Variants in RNF24 observed in about 807,000 individuals in gnomAD.
The protein encoded by RNF24 is ring finger protein 24.
Under a neutral mutation model 20.0 loss-of-function variants are expected in RNF24, and 14 were observed. That is an observed-to-expected ratio of 0.70 (90% CI 0.46 to 1.10). The LOEUF (loss-of-function observed/expected upper bound fraction) is 1.10. Among genes scored for constraint, RNF24 ranks in the 50% least tolerant of loss-of-function variants. The pLI is 0.00. For synonymous variants in RNF24, 45 were observed against 61.1 expected (o/e 0.74, Z 1.23); for missense variants, 124 against 177.6 (o/e 0.70, Z 1.71).
chr20:3,950,086 A>G (rs2091064533), intron 2 of RNF24, among the ~76,000 whole-genome samples: 1 of 152,170 alleles, frequency 6.6e-6, no homozygotes, highest in Non-Finnish European at 1.5e-5. Flanking sequence ...AATCAGGTGT[A>G]TTGAATATGT....
Position 3,945,162 on chromosome 20 carries a change from T to C in RNF24, c.228+15A>G, listed in dbSNP as rs1471157051. 3 of 1,598,220 alleles carry C rather than the reference T, an allele frequency of 1.9e-6. No individual in the cohort carries two copies. In the South Asian group the frequency reaches 3.4e-5, roughly 18 times the overall value. On this transcript the variant is annotated intron_variant, in intron 4 of 5. Coordinates refer to ENST00000358395, the MANE Select transcript of RNF24 (RefSeq NM_001134337.3). ...TAGAAAATGGCTCAAGAGGATTTAC[T>C]TATCATCAACTTACCTCATGTAAAT...
chr20:3,999,079 C>CA (rs1050991471), intron 1 of RNF24, among the ~76,000 whole-genome samples: 1 of 151,646 alleles, frequency 6.6e-6, no homozygotes, highest in Non-Finnish European at 1.5e-5. Flanking sequence ...GACTCTGTCT[C>CA]AAAAAACAAA....
chr20:3,947,666 T>C (rs576473033), intron 3 of RNF24, among the ~76,000 whole-genome samples: 173 of 152,364 alleles, frequency 1.1e-3, no homozygotes, highest in African/African-American at 3.7e-3. Context: ...TTACAAGCTA[T>C]AGCATTTCTC....
Position 3,930,464 on chromosome 20 carries a change from C to G in RNF24, c.*3599G>C, listed in dbSNP as rs2090807029. ...GGCCTGCTGCCTACCAGGCTCTGGGCACCAGCTAACCCCCACAAGAGGTGC... is the reference window on the plus strand; with the variant it reads ...GGCCTGCTGCCTACCAGGCTCTGGGGACCAGCTAACCCCCACAAGAGGTGC... On this transcript the variant is annotated 3_prime_UTR_variant, in exon 6 of 6. Transcript: ENST00000358395. 6.6e-6 allele frequency: 1 copy of G among 152,164 alleles called. No homozygotes were observed. The highest frequency in any genetic ancestry group is 2.4e-5 in the African/African-American group (1 of 41,408). 9.4% of individuals were successfully genotyped at this position (152,164 alleles called of 1,614,324 possible).
Position 3,935,067 on chromosome 20 carries a change from C to T in RNF24, c.235G>A (p.Ala79Thr). 1 of 1,613,844 alleles carries T rather than the reference C, an allele frequency of 6.2e-7. No homozygotes were observed. Among genetic ancestry groups the T allele is most frequent in the Non-Finnish European group, 8.5e-7 (1 of 1,179,824 alleles). ...GGCTTGAAGTCTTCTAGGCACACTG[C>T]ACAGAGCTGAAAGACAAATGCACAA... is the stretch of plus-strand genomic sequence containing the variant. Reference protein sequence around the residue: ...VKELNLHELCAVCLEDFKPRD... With the variant: ...VKELNLHELCTVCLEDFKPRD... Residue 79 changes from alanine to threonine, a missense_variant, in exon 5 of 6, where the codon GCA (alanine) becomes ACA (threonine). Physicochemically the swap from Ala to Thr is moderately conservative, Grantham distance 58. Coordinates refer to ENST00000358395, the MANE Select transcript of RNF24 (RefSeq NM_001134337.3).
At chr20:3,993,292 A>G (rs1398431557) in intron 1 of RNF24, among the ~76,000 whole-genome samples, 2 of 151,690 alleles carry the variant, frequency 1.3e-5, no homozygotes, top group Non-Finnish European at 2.9e-5. Context: ...GAAAACTCAC[A>G]TCTTTTTTTT....
At position 3,933,950 on chromosome 20, in the gene RNF24, AAAG is replaced by A. The variant is rs2090857946; in HGVS notation, c.*110_*112del. On this transcript the variant is annotated 3_prime_UTR_variant, in exon 6 of 6. Coordinates refer to ENST00000358395, the MANE Select transcript of RNF24 (RefSeq NM_001134337.3). ...TGGCCCAAGAGTTCTTCATGAGGCA[AAAG>A]AAGTGGCAGCTGGTGTCCTAGGTAG... is the stretch of plus-strand genomic sequence containing the variant. 45 of 1,125,630 alleles carry A rather than the reference AAAG, an allele frequency of 4.0e-5. No homozygotes were observed. In the South Asian group the frequency reaches 1.3e-3, roughly 32 times the overall value. The allele number at this position is 1,125,630 out of a possible 1,614,324, so 69.7% of individuals were successfully genotyped here. A position where few individuals can be genotyped will look rare whatever the true frequency, so the allele number is the denominator to read the frequency against.
At chr20:3,982,980 G>A (rs993760567) in intron 1 of RNF24, among the ~76,000 whole-genome samples, 1 of 152,280 alleles carries the variant, frequency 6.6e-6, no homozygotes, top group African/African-American at 2.4e-5. Flanking sequence ...AAGGAAGTGG[G>A]TTCCTTATAA....
intron 1 of RNF24, among the ~76,000 whole-genome samples, chr20:4,014,178 C>T (rs1437776694): frequency 6.6e-6 from 1 of 152,128 alleles, no homozygotes; most frequent in East Asian, 1.9e-4. Flanking sequence ...TACAACCAGA[C>T]AACAGAACAC....
chr20:3,949,118 G>A (rs1309812465), intron 2 of RNF24, among the ~76,000 whole-genome samples: 6 of 152,248 alleles, frequency 3.9e-5, no homozygotes, highest in Non-Finnish European at 7.3e-5. Flanking sequence ...CGTGGCTCAC[G>A]CCTGTAATCC....
intron 1 of RNF24, among the ~76,000 whole-genome samples, chr20:3,992,028 C>T (rs986470710): frequency 2.6e-5 from 4 of 152,110 alleles, no homozygotes; most frequent in African/African-American, 9.7e-5. Flanking sequence ...TCCTTGAGCG[C>T]AGAATTACAT....
chr20:3,977,305 A>G (rs373297916), intron 1 of RNF24, among the ~76,000 whole-genome samples: 11 of 152,314 alleles, frequency 7.2e-5, no homozygotes, highest in African/African-American at 2.4e-4. Context: ...TTGAAAAGCT[A>G]TAACTACTTA....
rs59440287 is a variant in RNF24, at chr20:3,946,693, C to CAA, written c.187-1477_187-1476dup. Among the ~76,000 whole-genome samples, 280 of 104,338 alleles carry CAA rather than the reference C, an allele frequency of 2.7e-3. 5 individuals are homozygous for CAA. Among genetic ancestry groups the CAA allele is most frequent in the East Asian group, 6.8e-3 (22 of 3,256 alleles). The allele number at this position is 104,338 out of a possible 152,430, so 68.4% of individuals were successfully genotyped here. A position where few individuals can be genotyped will look rare whatever the true frequency, so the allele number is the denominator to read the frequency against. ...CCAGTCTGGGTGACAGAGACCCCGTCAAAAAAAAAAAAAAAAAAAGATTAT... is the reference window on the plus strand; with the variant it reads ...CCAGTCTGGGTGACAGAGACCCCGTCAAAAAAAAAAAAAAAAAAAAAGATTAT... On this transcript the variant is annotated intron_variant, in intron 3 of 5. Transcript: ENST00000358395.
intron 2 of RNF24, among the ~76,000 whole-genome samples, chr20:3,951,328 T>C (rs1179846886): frequency 6.6e-6 from 1 of 152,198 alleles, no homozygotes; most frequent in Non-Finnish European, 1.5e-5. Context: ...TTAAGTATGA[T>C]CATTCTTTCT....
intron 4 of RNF24, among the ~76,000 whole-genome samples, chr20:3,937,179 T>C (rs2090901342): frequency 6.6e-6 from 1 of 152,128 alleles, no homozygotes; most frequent in Non-Finnish European, 1.5e-5. Flanking sequence ...GCTATTATGT[T>C]CTGAATAAAC....
chr20:3,997,229 CAAAAAAAAAAA>C (rs1227396478), intron 1 of RNF24, among the ~76,000 whole-genome samples: 3 of 51,234 alleles, frequency 5.9e-5, no homozygotes, highest in Non-Finnish European at 3.7e-5. Flanking sequence ...GACTCCATCT[CAAAAAAAAAAA>C]AAAAAAAAAA....
At chr20:3,944,363 C>T (rs1379815437) in intron 4 of RNF24, among the ~76,000 whole-genome samples, 2 of 151,978 alleles carry the variant, frequency 1.3e-5, no homozygotes, top group African/African-American at 2.4e-5. Flanking sequence ...AAATATTTAA[C>T]AATAATATGA....
chr20:3,964,364 T>C (rs2091235491), intron 1 of RNF24, among the ~76,000 whole-genome samples: 1 of 152,238 alleles, frequency 6.6e-6, no homozygotes, highest in South Asian at 2.1e-4. Flanking sequence ...TTTAAGATTC[T>C]TCAAACTCTT....
chr20:4,001,867 G>C (rs1981421920), intron 1 of RNF24, among the ~76,000 whole-genome samples: 1 of 152,132 alleles, frequency 6.6e-6, no homozygotes, highest in African/African-American at 2.4e-5. Context: ...GAGATTGCTT[G>C]AGCCTGGAAG....
Sources: gnomAD v4.1 joint callset for allele counts (sites outside exome capture counted in the v4.1 genomes callset) on GRCh38, gnomAD v4.1.1 for gene constraint, MANE v1.5 for transcripts, NCBI Gene and HGNC (gene_info 2026-07-23, HGNC 2026-07-21) for gene names.